ZNF431: variants seen among roughly 807,000 people sequenced by gnomAD.
ZNF431 encodes the protein zinc finger protein 431.
In ZNF431, 34 loss-of-function variants were observed where a neutral mutation model predicts 57.0. That is an observed-to-expected ratio of 0.60 (90% confidence interval 0.45 to 0.79). The LOEUF is 0.79. Among genes scored for constraint, ZNF431 ranks in the 30% least tolerant of loss-of-function variants. ZNF431 has a pLI of 0.00. For synonymous variants in ZNF431, 207 were observed against 220.3 expected (o/e 0.94, Z 0.54); for missense variants, 607 against 667.1 (o/e 0.91, Z 0.99).
chr19:21,143,118 A>T (rs1469124024), intron 1 of ZNF431, among the ~76,000 whole-genome samples: 1 of 152,168 alleles, frequency 6.6e-6, no homozygotes, highest in Non-Finnish European at 1.5e-5. Context: ...TCCAAATGCC[A>T]GCTTTTCCTC....
At position 21,183,243 on chromosome 19, in the gene ZNF431, A is replaced by G. The variant is rs150878607; in HGVS notation, c.940A>G (p.Lys314Glu). 5.0e-6 allele frequency: 8 copies of G among 1,614,004 alleles called. No homozygotes were observed. The highest frequency in any genetic ancestry group is 6.8e-6 in the Non-Finnish European group (8 of 1,179,988). The change falls in exon 5 of 5, where the codon AAG becomes GAG. Residue 314 changes from lysine to glutamate, a missense_variant. Lys to Glu is a moderately conservative substitution (Grantham distance 56, BLOSUM62 1). Coordinates refer to ENST00000311048, the MANE Select transcript of ZNF431 (RefSeq NM_133473.4). Reference protein sequence around the residue: ...TTHKIIHTGEKPYKCEECGKA... With the variant: ...TTHKIIHTGEEPYKCEECGKA... ...ACATAAGATAATTCATACTGGAGAG[A>G]AGCCCTACAAATGTGAAGAATGTGG...
At chr19:21,155,121 C>G (rs1252668029) in intron 2 of ZNF431, among the ~76,000 whole-genome samples, 1 of 152,142 alleles carries the variant, frequency 6.6e-6, no homozygotes, top group African/African-American at 2.4e-5. Context: ...ATGATATTGC[C>G]TAGATTTTCT....
At chr19:21,149,825 A>G in intron 2 of ZNF431, 1 of 654,594 alleles carries the variant, frequency 1.5e-6, no homozygotes, top group Non-Finnish European at 2.8e-6. Context: ...TTCTGAGTTA[A>G]CCTGTGTGAA....
At position 21,185,183 on chromosome 19, in the gene ZNF431, C is replaced by G. The variant is rs1327102884; in HGVS notation, c.*1149C>G. 2 of 152,092 alleles carry G rather than the reference C, an allele frequency of 1.3e-5. No individual in the cohort carries two copies. The highest frequency in any genetic ancestry group is 2.9e-5 in the Non-Finnish European group (2 of 68,026). The allele number at this position is 152,092 out of a possible 1,614,324, so 9.4% of individuals were successfully genotyped here. On this transcript the variant is annotated 3_prime_UTR_variant, in exon 5 of 5. Transcript: ENST00000311048. The stretch of plus-strand genomic sequence containing the variant: ...ATAAGGTACTGACACTTCAGATATA[C>G]TAAATCAGAGTGCTAAGTATAGAAA...
Position 21,190,003 on chromosome 19 carries a change from CAAA to C in ZNF431, c.*5972_*5974del. 1 of 392,966 alleles carries C rather than the reference CAAA, an allele frequency of 2.5e-6. No individual in the cohort carries two copies. The highest frequency in any genetic ancestry group is 4.5e-6 in the Non-Finnish European group (1 of 222,986). 24.3% of individuals were successfully genotyped at this position (392,966 alleles called of 1,614,324 possible). A position where few individuals can be genotyped will look rare whatever the true frequency, so the allele number is the denominator to read the frequency against. ...TACTAAAAATACAAAAACAACAAAA[CAAA>C]AACAAAAAACACCTCAGCTGGGTGT... On this transcript the variant is annotated 3_prime_UTR_variant, in exon 5 of 5. Coordinates refer to ENST00000311048, the MANE Select transcript of ZNF431 (RefSeq NM_133473.4).
intron 4 of ZNF431, among the ~76,000 whole-genome samples, chr19:21,169,022 C>T (rs1970805076): frequency 6.6e-6 from 1 of 152,144 alleles, no homozygotes; most frequent in African/African-American, 2.4e-5. Flanking sequence ...AGCGATTCTC[C>T]TGCCTCAGCC....
chr19:21,156,139 C>A (rs1970409241), intron 2 of ZNF431, among the ~76,000 whole-genome samples: 1 of 152,296 alleles, frequency 6.6e-6, no homozygotes, highest in Admixed American at 6.5e-5. Context: ...TTGACAAAAA[C>A]CCACAAAAGT....
At chr19:21,178,793 T>TTGTGTG (rs61125024) in intron 4 of ZNF431, among the ~76,000 whole-genome samples, 2,890 of 148,646 alleles carry the variant, frequency 0.019, 33 homozygotes, top group Non-Finnish European at 0.026. Flanking sequence ...ACTTGAAGGT[T>TTGTGTG]TGTGTGTGTG....
intron 2 of ZNF431, among the ~76,000 whole-genome samples, chr19:21,160,420 C>T (rs1970539732): frequency 6.6e-6 from 1 of 152,194 alleles, no homozygotes; most frequent in Admixed American, 6.5e-5. Context: ...ACAACCACAA[C>T]TATACCTACG....
chr19:21,186,649 A>G lies in ZNF431; in HGVS notation c.*2615A>G, dbSNP rs1262843551. The G allele has an allele frequency of 1.3e-5, 2 of 152,196 alleles. No individual in the cohort carries two copies. Among genetic ancestry groups the G allele is most frequent in the Admixed American group, 6.5e-5 (1 of 15,282 alleles). The allele number at this position is 152,196 out of a possible 1,614,324, so 9.4% of individuals were successfully genotyped here. On this transcript the variant is annotated 3_prime_UTR_variant, in exon 5 of 5. Transcript: ENST00000311048. Reference sequence around the variant, plus strand: ...ATCTTCCCAAGCAAATTCTCTGTATATACTTGCCTGGTACTCATGCTAGAC... The same window carrying G: ...ATCTTCCCAAGCAAATTCTCTGTATGTACTTGCCTGGTACTCATGCTAGAC...
rs565858050 is a variant in ZNF431 at position 21,187,040 on chromosome 19, A to G, written c.*3006A>G. ...CATATATTACAGTTTTCACTGTGTA[A>G]TAGATTATCCATAATAATTCATAAA... On this transcript the variant is annotated 3_prime_UTR_variant, in exon 5 of 5. Coordinates refer to ENST00000311048, the MANE Select transcript of ZNF431 (RefSeq NM_133473.4). 1 of 152,262 alleles carries G rather than the reference A, an allele frequency of 6.6e-6. No individual in the cohort carries two copies. The highest frequency in any genetic ancestry group is 2.1e-4 in the South Asian group (1 of 4,820). The allele number at this position is 152,262 out of a possible 1,614,324, so 9.4% of individuals were successfully genotyped here.
intron 4 of ZNF431, among the ~76,000 whole-genome samples, chr19:21,178,026 G>A (rs1262924699): frequency 6.6e-6 from 1 of 152,030 alleles, no homozygotes; most frequent in African/African-American, 2.4e-5. Context: ...CCTTGAAGAG[G>A]TCCTTCACTT....
rs1022457824 is a variant in ZNF431 at position 21,192,252 on chromosome 19, T to G, written c.*8218T>G. ...GGCACGATCTTGGCTCACTGCAACC[T>G]CTGCCTCCCTGGCTGAAGCGGTTCT... On this transcript the variant is annotated 3_prime_UTR_variant, in exon 5 of 5. Transcript: ENST00000311048. 2 of 152,238 alleles carry G rather than the reference T, an allele frequency of 1.3e-5. No individual in the cohort carries two copies. The highest frequency in any genetic ancestry group is 4.8e-5 in the African/African-American group (2 of 41,458). 9.4% of individuals were successfully genotyped at this position (152,238 alleles called of 1,614,324 possible). A position where few individuals can be genotyped will look rare whatever the true frequency, so the allele number is the denominator to read the frequency against.
rs1332648926 is a variant in ZNF431, at chr19:21,185,541, A to G, written c.*1507A>G. The G allele has an allele frequency of 2.6e-5, 4 of 151,858 alleles. No individual in the cohort carries two copies. Among genetic ancestry groups the G allele is most frequent in the Non-Finnish European group, 4.4e-5 (3 of 68,000 alleles). The allele number at this position is 151,858 out of a possible 1,614,324, so 9.4% of individuals were successfully genotyped here. On this transcript the variant is annotated 3_prime_UTR_variant, in exon 5 of 5. Coordinates refer to ENST00000311048, the MANE Select transcript of ZNF431 (RefSeq NM_133473.4). ...ATTGGCATGATCTCAGCTCACTACA[A>G]CCTCTGCCTTCTGGTTTCAAGCAAC...
In ZNF431 at chr19:21,183,370, T is replaced by G. The variant is rs776389953; in HGVS notation, c.1067T>G (p.Phe356Cys). 8.7e-6 allele frequency: 14 copies of G among 1,611,526 alleles called. No homozygotes were observed. The highest frequency in any genetic ancestry group is 1.7e-4 in the Middle Eastern group (1 of 6,058). ...CEECDKAFNR[F>C]SYLTKHKIIH... ...GAATGTGACAAAGCTTTTAATCGATTCTCATACCTTACTAAACATAAGATA... is the reference window on the plus strand; with the variant it reads ...GAATGTGACAAAGCTTTTAATCGATGCTCATACCTTACTAAACATAAGATA... Residue 356 changes from phenylalanine to cysteine, a missense_variant, in exon 5 of 5, where the codon TTC becomes TGC. Physicochemically the swap from Phe to Cys is radical, Grantham distance 205 (BLOSUM62 -2). Transcript: ENST00000311048.
At chr19:21,167,543 T>A (rs1424322244) in intron 3 of ZNF431, 28 bp from the exon 4 acceptor site, 8 of 1,485,070 alleles carry the variant, frequency 5.4e-6, no homozygotes, top group Non-Finnish European at 7.2e-6. Flanking sequence ...ATAGGCAAGA[T>A]TCATGTTATT....
chr19:21,183,037 C>A lies in ZNF431; in HGVS notation c.734C>A (p.Ser245Ter). The A allele has an allele frequency of 6.2e-7, 1 of 1,614,082 alleles. No homozygotes were observed. Among genetic ancestry groups the A allele is most frequent in the Non-Finnish European group, 8.5e-7 (1 of 1,179,964 alleles). Reference protein sequence around the residue: ...EECGKAFKWFSTLTRHKRIHT... With the variant: ...EECGKAFKWF ...TGTGGCAAAGCTTTTAAATGGTTCTCAACCCTTACTAGACACAAGAGAATT... is the reference window on the plus strand; with the variant it reads ...TGTGGCAAAGCTTTTAAATGGTTCTAAACCCTTACTAGACACAAGAGAATT... Residue 245 changes from serine (S) to a stop codon, truncating the protein, a stop_gained, in exon 5 of 5, where the codon TCA becomes TAA. Transcript: ENST00000311048. LOFTEE classifies it high-confidence loss of function.
intron 2 of ZNF431, among the ~76,000 whole-genome samples, chr19:21,165,110 T>A (rs1436649089): frequency 2.2e-5 from 3 of 139,196 alleles, no homozygotes; most frequent in African/African-American, 8.0e-5. Context: ...AAAAAAAAAA[T>A]GTTTTCCTAT....
intron 2 of ZNF431, chr19:21,151,293 A>G (rs1310022490): frequency 6.6e-6 from 1 of 152,168 alleles, no homozygotes; most frequent in Admixed American, 6.5e-5. Context: ...TGACCTTGTG[A>G]TCAGCCCACC....
Sources: gnomAD v4.1 joint callset for allele counts (sites outside exome capture counted in the v4.1 genomes callset) on GRCh38, gnomAD v4.1.1 for gene constraint, MANE v1.5 for transcripts, NCBI Gene and HGNC (gene_info 2026-07-23, HGNC 2026-07-21) for gene names.